The following ARHGAP26 variants were observed in gnomAD, a reference collection of about 807,000 sequenced individuals.
ARHGAP26 encodes rho GTPase-activating protein 26.
A neutral mutation model predicts 104.8 loss-of-function variants in ARHGAP26; 38 were observed. That is an observed-to-expected ratio of 0.36 (90% CI 0.28 to 0.48). The LOEUF (loss-of-function observed/expected upper bound fraction) is 0.48, where lower values mean the gene tolerates loss of function less well. Among genes scored for constraint, ARHGAP26 ranks in the 20% least tolerant of loss-of-function variants. ARHGAP26 has a pLI of 0.99. For synonymous variants in ARHGAP26, 341 were observed against 340.0 expected (o/e 1.00, Z -0.03); for missense variants, 704 against 947.9 (o/e 0.74, Z 3.38).
intron 17 of ARHGAP26, among the ~76,000 whole-genome samples, chr5:143,097,821 C>CCA (rs577727487): frequency 8.3e-6 from 1 of 121,118 alleles, no homozygotes; most frequent in Non-Finnish European, 1.7e-5. Flanking sequence ...GACTCCAACT[C>CCA]AAAAAAAAAA....
chr5:142,932,074 G>A lies in ARHGAP26; in HGVS notation c.1056G>A (p.Leu352=). The A allele has an allele frequency of 6.2e-7, 1 of 1,614,064 alleles. No individual in the cohort carries two copies. Among genetic ancestry groups the A allele is most frequent in the Non-Finnish European group, 8.5e-7 (1 of 1,179,948 alleles). Residue 352 remains leucine, a synonymous_variant, in exon 11 of 23, where the codon TTG becomes TTA. Coordinates refer to ENST00000645722, the MANE Select transcript of ARHGAP26 (RefSeq NM_001135608.3). The part of the protein sequence containing the change: ...DRPGVITMQA[L]SEEDRRLWME... ...CAGGGGTTATCACCATGCAAGCTTT[G>A]TCGGAAGAGGACCGGAGGCTCTGGA...
At chr5:143,207,575 C>G in intron 21 of ARHGAP26, 1 of 1,417,252 alleles carries the variant, frequency 7.1e-7, no homozygotes, top group Non-Finnish European at 9.7e-7. Context: ...CCTAAGAGAC[C>G]AGAGCTAAAA....
intron 11 of ARHGAP26, among the ~76,000 whole-genome samples, chr5:142,963,119 A>G (rs1275402285): frequency 6.8e-6 from 1 of 147,434 alleles, no homozygotes; most frequent in Non-Finnish European, 1.5e-5. Context: ...TCTTCCCACA[A>G]AGGGCATAAT....
At chr5:142,967,160 T>C (rs1327786835) in intron 11 of ARHGAP26, among the ~76,000 whole-genome samples, 3 of 152,186 alleles carry the variant, frequency 2.0e-5, no homozygotes, top group Non-Finnish European at 4.4e-5. Flanking sequence ...AGTGCTGTAA[T>C]GTTTTTATTG....
intron 1 of ARHGAP26, among the ~76,000 whole-genome samples, chr5:142,860,921 GC>G: frequency 6.6e-6 from 1 of 152,332 alleles, no homozygotes; most frequent in South Asian, 2.1e-4. Flanking sequence ...TGCCTGGGAA[GC>G]CCAGGCTCCT....
At chr5:143,131,929 A>G (rs1437693071) in intron 18 of ARHGAP26, among the ~76,000 whole-genome samples, 1 of 152,158 alleles carries the variant, frequency 6.6e-6, no homozygotes, top group Non-Finnish European at 1.5e-5. Context: ...TTTTCTTTCT[A>G]TTATAGAGGC....
intron 20 of ARHGAP26, among the ~76,000 whole-genome samples, chr5:143,173,580 T>A (rs574910891): frequency 2.6e-5 from 4 of 152,358 alleles, no homozygotes; most frequent in African/African-American, 9.6e-5. Context: ...ATTGTTTTTC[T>A]TAATCCTCAC....
chr5:142,882,153 T>G (rs2152393480), intron 4 of ARHGAP26, among the ~76,000 whole-genome samples: 1 of 152,320 alleles, frequency 6.6e-6, no homozygotes, highest in South Asian at 2.1e-4. Flanking sequence ...AGCTAGACTG[T>G]CTGAATCCAA....
chr5:142,914,703 T>C (rs909344872), intron 10 of ARHGAP26, among the ~76,000 whole-genome samples: 11 of 152,032 alleles, frequency 7.2e-5, no homozygotes, highest in African/African-American at 2.7e-4. Flanking sequence ...GGGTGTGGGG[T>C]CGGAGGATAG....
chr5:143,010,602 C>T (rs1470969046), intron 11 of ARHGAP26: 1 of 152,200 alleles, frequency 6.6e-6, no homozygotes, highest in Non-Finnish European at 1.5e-5. Context: ...GGCTCATTAA[C>T]CCAAACCAGA....
At chr5:142,948,611 C>A (rs927874851) in intron 11 of ARHGAP26, among the ~76,000 whole-genome samples, 1 of 151,042 alleles carries the variant, frequency 6.6e-6, no homozygotes. Context: ...TTTTAGTCAG[C>A]CTTCCATTTC....
chr5:142,939,354 G>C (rs985710642), intron 11 of ARHGAP26, among the ~76,000 whole-genome samples: 1 of 152,174 alleles, frequency 6.6e-6, no homozygotes, highest in African/African-American at 2.4e-5. Flanking sequence ...AGAAGGAAGA[G>C]GCTAAGGAAA....
chr5:143,121,373 C>T (rs1796116163), intron 18 of ARHGAP26, among the ~76,000 whole-genome samples: 1 of 152,062 alleles, frequency 6.6e-6, no homozygotes, highest in Admixed American at 6.6e-5. Flanking sequence ...ATGGTGGTGG[C>T]AGTGGTGGGT....
chr5:143,187,228 G>T (rs887091878), intron 20 of ARHGAP26, among the ~76,000 whole-genome samples: 4 of 152,132 alleles, frequency 2.6e-5, no homozygotes, highest in Non-Finnish European at 4.4e-5. Flanking sequence ...GTAATTGAAG[G>T]CTATCTGACC....
intron 11 of ARHGAP26, among the ~76,000 whole-genome samples, chr5:142,971,230 A>G (rs1004168775): frequency 2.6e-5 from 4 of 152,230 alleles, no homozygotes; most frequent in African/African-American, 7.2e-5. Flanking sequence ...GTAAGGGACT[A>G]TGCTTGGTAC....
chr5:143,012,577 T>TATATCTATATATATATATATATATATATA (rs1554195775), intron 11 of ARHGAP26, among the ~76,000 whole-genome samples: 1 of 19,088 alleles, frequency 5.2e-5, no homozygotes, highest in Admixed American at 9.2e-4. Context: ...ATATATATAT[T>TATATCTATATATATATATATATATATATA]ATGATCAGGT....
intron 10 of ARHGAP26, among the ~76,000 whole-genome samples, chr5:142,931,688 C>A (rs1214363961): frequency 6.6e-6 from 1 of 152,098 alleles, no homozygotes; most frequent in Non-Finnish European, 1.5e-5. Flanking sequence ...ACATTTATTG[C>A]ATTTCTACCG....
chr5:142,829,090 G>A (rs562454238), intron 1 of ARHGAP26, among the ~76,000 whole-genome samples: 1 of 152,346 alleles, frequency 6.6e-6, no homozygotes, highest in Non-Finnish European at 1.5e-5. Context: ...TGCTTCTGTT[G>A]AGTCAGGGAA....
chr5:142,951,938 C>G (rs766353776), intron 11 of ARHGAP26, among the ~76,000 whole-genome samples: 31 of 152,214 alleles, frequency 2.0e-4, no homozygotes, highest in Non-Finnish European at 2.9e-4. Context: ...AAGGTGTTGG[C>G]AGGGCCATGT....
Sources: allele counts gnomAD v4.1 joint callset (sites outside exome capture counted in the v4.1 genomes callset), GRCh38; gene constraint gnomAD v4.1.1; transcripts MANE v1.5; gene names NCBI Gene and HGNC (gene_info 2026-07-23, HGNC 2026-07-21).